DMD: variants seen among roughly 807,000 people sequenced by gnomAD.
DMD encodes the protein dystrophin, also known as mutant dystrophin.
In DMD, 63 loss-of-function variants were observed where a neutral mutation model predicts 330.1. That is an observed-to-expected ratio of 0.19 (90% confidence interval 0.16 to 0.24). The LOEUF (loss-of-function observed/expected upper bound fraction) is 0.24, where lower values mean the gene tolerates loss of function less well. Ranked by LOEUF, DMD falls within the 10% of genes least tolerant of loss-of-function variation. The pLI is 1.00. For synonymous variants in DMD, 1,223 were observed against 959.8 expected (o/e 1.27, Z -5.07); for missense variants, 3,344 against 2,684.1 (o/e 1.25, Z -5.43).
chrX:32,349,454 C>A lies in DMD; in HGVS notation c.5326-926G>T, dbSNP rs1160253428. Among the ~76,000 whole-genome samples, 3 of 111,035 alleles carry A rather than the reference C, an allele frequency of 2.7e-5. No homozygotes were observed. The East Asian group carries it at 8.5e-4, about 31-fold the overall frequency. On this transcript the variant is annotated intron_variant, in intron 37 of 78. Transcript: ENST00000357033. Reference sequence around the variant, plus strand: ...ACAGAAATCTGATTTTCTTTCAGAGCTAAAACATTTTACTTTTGTAAAACC... The same window carrying A: ...ACAGAAATCTGATTTTCTTTCAGAGATAAAACATTTTACTTTTGTAAAACC...
At chrX:31,885,779 A>C (rs2094146834) in intron 47 of DMD, among the ~76,000 whole-genome samples, 2 of 111,042 alleles carry the variant, frequency 1.8e-5, no homozygotes, top group East Asian at 2.8e-4. Context: ...AATAAGAAAT[A>C]ATATAAATGA....
At chrX:32,725,064 G>A (rs1044703957) in intron 7 of DMD, among the ~76,000 whole-genome samples, 2 of 111,396 alleles carry the variant, frequency 1.8e-5, no homozygotes, top group African/African-American at 6.5e-5. Context: ...TTGTATCTGT[G>A]TAACACAACA....
chrX:33,041,682 A>C, intron 1 of DMD: 4 of 1,209,288 alleles, frequency 3.3e-6, no homozygotes, highest in Non-Finnish European at 4.5e-6. Flanking sequence ...AATATAAAGA[A>C]GCACGTTTAG....
At position 32,603,037 on chromosome X, in the gene DMD, T is replaced by G. The variant is rs772963461; in HGVS notation, c.1483-7161A>C. Reference sequence around the variant, plus strand: ...TTCCAGGCCAGACACTTACAGAACATTCTATTCTACCACCACAGAATGTAC... The same window carrying G: ...TTCCAGGCCAGACACTTACAGAACAGTCTATTCTACCACCACAGAATGTAC... On this transcript the variant is annotated intron_variant, in intron 12 of 78. Coordinates refer to ENST00000357033, the MANE Select transcript of DMD (RefSeq NM_004006.3). Among the ~76,000 whole-genome samples, 13 of 111,536 alleles carry G rather than the reference T, an allele frequency of 1.2e-4. 1 individual carries two copies. Among genetic ancestry groups the G allele is most frequent in the Admixed American group, 8.6e-4 (9 of 10,486 alleles).
At chrX:31,154,347 G>T (rs2037835808) in intron 74 of DMD, among the ~76,000 whole-genome samples, 1 of 109,534 alleles carries the variant, frequency 9.1e-6, no homozygotes, top group African/African-American at 3.3e-5. Flanking sequence ...CCATGCTGGA[G>T]TGCAGTGGTG....
rs72468623 is a variant in DMD, at chrX:32,345,913, C to T, written c.5586+30G>A. 8.8e-3 allele frequency: 10,560 copies of T among 1,200,769 alleles called. 461 individuals carry two copies. The African/African-American group carries it at 0.14, about 16-fold the overall frequency. On this transcript the variant is annotated intron_variant, in intron 39 of 78. Transcript: ENST00000357033. Reference sequence around the variant, plus strand: ...CTATATATTAAAAAAAAACCACAGGCAAGGTATATTATAATTTTAGCTCTA... The same window carrying T: ...CTATATATTAAAAAAAAACCACAGGTAAGGTATATTATAATTTTAGCTCTA...
intron 29 of DMD, among the ~76,000 whole-genome samples, chrX:32,422,661 G>T (rs2098194983): frequency 9.0e-6 from 1 of 111,467 alleles, no homozygotes; most frequent in Admixed American, 9.5e-5. Context: ...TGCATTTTAT[G>T]ATTTAAAAGA....
chrX:32,946,248 CCAGAAG>C (rs2090797903), intron 2 of DMD, among the ~76,000 whole-genome samples: 1 of 111,172 alleles, frequency 9.0e-6, no homozygotes, highest in African/African-American at 3.3e-5. Flanking sequence ...TGTTCTTATT[CCAGAAG>C]TTTTCATGTG....
chrX:31,816,676 G>A (rs1292574117), intron 50 of DMD, among the ~76,000 whole-genome samples: 2 of 108,276 alleles, frequency 1.8e-5, no homozygotes, highest in Non-Finnish European at 3.8e-5. Flanking sequence ...GTGCGCACCT[G>A]TATCCCAGCT....
intron 63 of DMD, among the ~76,000 whole-genome samples, chrX:31,231,113 A>T (rs983881957): frequency 2.7e-5 from 3 of 111,135 alleles, no homozygotes; most frequent in Non-Finnish European, 3.8e-5. Flanking sequence ...CAAGAGCGGA[A>T]GGATCAGGGC....
intron 7 of DMD, among the ~76,000 whole-genome samples, chrX:32,720,145 C>T (rs189620740): frequency 4.7e-3 from 529 of 111,381 alleles, no homozygotes; most frequent in Non-Finnish European, 8.2e-3. Context: ...ACCTATTATA[C>T]GAGTCAAATC....
intron 1 of DMD, among the ~76,000 whole-genome samples, chrX:33,314,905 G>A (rs1232697942): frequency 1.8e-5 from 2 of 110,216 alleles, no homozygotes; most frequent in African/African-American, 3.3e-5. Flanking sequence ...TACAACTTCC[G>A]CCTCCTGGGT....
At chrX:31,382,845 C>T (rs372642652) in intron 60 of DMD, among the ~76,000 whole-genome samples, 246 of 110,744 alleles carry the variant, frequency 2.2e-3, no homozygotes, top group African/African-American at 7.8e-3. Flanking sequence ...CACACCACCC[C>T]GAAAATTTTC....
chrX:32,887,822 G>GA (rs1195017898), intron 2 of DMD, among the ~76,000 whole-genome samples: 2 of 101,261 alleles, frequency 2.0e-5, no homozygotes, highest in Non-Finnish European at 3.9e-5. Context: ...GGATTTTTTG[G>GA]ATATGAACCC....
At chrX:31,731,765 C>G (rs1365566160) in intron 51 of DMD, among the ~76,000 whole-genome samples, 1 of 111,285 alleles carries the variant, frequency 9.0e-6, no homozygotes, top group Non-Finnish European at 1.9e-5. Context: ...TTAATTCACT[C>G]TCACATAACC....
chrX:31,666,878 G>A (rs2081460778), intron 53 of DMD, among the ~76,000 whole-genome samples: 1 of 111,689 alleles, frequency 9.0e-6, no homozygotes. Flanking sequence ...GCAGCTTCAT[G>A]AAAGAGAAAA....
intron 9 of DMD, among the ~76,000 whole-genome samples, chrX:32,659,562 G>A (rs1033556778): frequency 1.8e-5 from 2 of 110,905 alleles, no homozygotes; most frequent in Admixed American, 1.9e-4. Context: ...TAGCATCTCG[G>A]AAGCCTCACG....
intron 52 of DMD, among the ~76,000 whole-genome samples, chrX:31,685,564 G>C (rs1251383381): frequency 8.9e-6 from 1 of 111,935 alleles, no homozygotes; most frequent in African/African-American, 3.2e-5. Flanking sequence ...TTACATTTCT[G>C]TCTCTGACTC....
chrX:31,611,333 A>G (rs1028225251), intron 55 of DMD, among the ~76,000 whole-genome samples: 3 of 111,108 alleles, frequency 2.7e-5, no homozygotes, highest in Non-Finnish European at 3.8e-5. Context: ...CAGAAGATCA[A>G]CCTGAGATCT....
Sources: allele counts gnomAD v4.1 joint callset (sites outside exome capture counted in the v4.1 genomes callset), GRCh38; gene constraint gnomAD v4.1.1; transcripts MANE v1.5; gene names NCBI Gene and HGNC (gene_info 2026-07-23, HGNC 2026-07-21).